ADAM23: variants seen among roughly 807,000 people sequenced by gnomAD.
ADAM23 encodes ADAM metallopeptidase domain 23, also known as disintegrin and metalloproteinase domain-containing protein 23.
In ADAM23, 33 loss-of-function variants were observed where a neutral mutation model predicts 120.1. That is an observed-to-expected ratio of 0.27 (90% CI 0.21 to 0.37). ADAM23 has a LOEUF of 0.37. ADAM23 is among the 10% of genes least tolerant of loss of function. The pLI, the probability that ADAM23 is intolerant of heterozygous loss-of-function variation, is 1.00. For synonymous variants in ADAM23, 367 were observed against 375.2 expected (o/e 0.98, Z 0.25); for missense variants, 862 against 1,058.2 (o/e 0.81, Z 2.57).
At chr2:206,550,512 A>G (rs1311775965) in intron 9 of ADAM23, among the ~76,000 whole-genome samples, 1 of 151,806 alleles carries the variant, frequency 6.6e-6, no homozygotes, top group East Asian at 1.9e-4. Flanking sequence ...CTTACTAGTT[A>G]ATTATGCTTA....
chr2:206,537,813 T>A (rs1013548304), intron 4 of ADAM23, among the ~76,000 whole-genome samples: 12 of 152,272 alleles, frequency 7.9e-5, no homozygotes, highest in Non-Finnish European at 1.0e-4. Context: ...GCCAGTTTTT[T>A]AAAAAGTTTC....
chr2:206,544,243 G>A (rs549684065), intron 6 of ADAM23, among the ~76,000 whole-genome samples: 21 of 152,228 alleles, frequency 1.4e-4, no homozygotes, highest in Admixed American at 9.2e-4. Context: ...GCTGAACTAT[G>A]ATTATATTAT....
At chr2:206,510,454 CT>C (rs1342670080) in intron 3 of ADAM23, among the ~76,000 whole-genome samples, 3 of 151,852 alleles carry the variant, frequency 2.0e-5, no homozygotes, top group Non-Finnish European at 4.4e-5. Context: ...TTATAATGTT[CT>C]TTTTACATTG....
chr2:206,559,533 A>C (rs1175674406), intron 10 of ADAM23, among the ~76,000 whole-genome samples: 1 of 152,058 alleles, frequency 6.6e-6, no homozygotes, highest in Non-Finnish European at 1.5e-5. Context: ...GCTTATCTGG[A>C]GATTTAGTGA....
At position 206,617,750 on chromosome 2, in the gene ADAM23, C is replaced by G. The variant is rs562168162; in HGVS notation, c.*123C>G. ...CCTTTGGGTGGTAATGACTACGGAG[C>G]TAAAGTTGGGGTGACAAGGATGGGG... On this transcript the variant is annotated 3_prime_UTR_variant, in exon 26 of 26. Transcript: ENST00000264377. The G allele has an allele frequency of 4.6e-6, 7 of 1,508,012 alleles. No individual in the cohort carries two copies. In the Admixed American group the frequency reaches 1.5e-4, roughly 32 times the overall value. 93.4% of individuals were successfully genotyped at this position (1,508,012 alleles called of 1,614,324 possible).
intron 3 of ADAM23, among the ~76,000 whole-genome samples, chr2:206,481,515 C>T (rs1405101579): frequency 6.6e-6 from 1 of 152,082 alleles, no homozygotes; most frequent in Non-Finnish European, 1.5e-5. Context: ...ATCTCAAACC[C>T]AGCACTTACA....
intron 2 of ADAM23, among the ~76,000 whole-genome samples, chr2:206,459,725 A>G (rs578246441): frequency 3.3e-5 from 5 of 152,312 alleles, no homozygotes; most frequent in East Asian, 3.9e-4. Flanking sequence ...TCTTGATTGT[A>G]CTATCATCTA....
intron 4 of ADAM23, among the ~76,000 whole-genome samples, chr2:206,531,949 A>G (rs1697073598): frequency 6.6e-6 from 1 of 152,158 alleles, no homozygotes; most frequent in South Asian, 2.1e-4. Flanking sequence ...ATGTCTCAGG[A>G]TTTATAACAT....
At chr2:206,477,897 A>AAAAAAAATATATAT (rs374524658) in intron 2 of ADAM23, among the ~76,000 whole-genome samples, 2 of 93,604 alleles carry the variant, frequency 2.1e-5, no homozygotes, top group African/African-American at 5.2e-5. Context: ...AAAAAAAAAA[A>AAAAAAAATATATAT]ATATATATAT....
intron 2 of ADAM23, among the ~76,000 whole-genome samples, chr2:206,464,490 A>G (rs1695498412): frequency 1.3e-5 from 2 of 151,910 alleles, no homozygotes; most frequent in Non-Finnish European, 2.9e-5. Flanking sequence ...CAGGATAATC[A>G]CTTGAACCCA....
intron 2 of ADAM23, among the ~76,000 whole-genome samples, chr2:206,479,422 C>T (rs761516872): frequency 3.3e-5 from 5 of 152,094 alleles, no homozygotes; most frequent in Non-Finnish European, 7.3e-5. Context: ...GAACTCATCT[C>T]TACTGTATAA....
intron 4 of ADAM23, among the ~76,000 whole-genome samples, chr2:206,541,395 A>G (rs1191282073): frequency 6.6e-6 from 1 of 152,172 alleles, no homozygotes; most frequent in African/African-American, 2.4e-5. Flanking sequence ...TCGAGATCCT[A>G]TATTAGGTAG....
chr2:206,453,523 A>T (rs1695238050), intron 2 of ADAM23, among the ~76,000 whole-genome samples: 2 of 152,212 alleles, frequency 1.3e-5, no homozygotes, highest in African/African-American at 4.8e-5. Context: ...CATTCATATA[A>T]TTCATTCATT....
intron 18 of ADAM23, among the ~76,000 whole-genome samples, chr2:206,575,033 A>G (rs1698084755): frequency 6.6e-6 from 1 of 152,172 alleles, no homozygotes; most frequent in Non-Finnish European, 1.5e-5. Context: ...GGTAAGTACA[A>G]AGCATAAAAT....
At chr2:206,557,610 G>GCTCA in intron 10 of ADAM23, 112 bp downstream of exon 10, 2 of 962,060 alleles carry the variant, frequency 2.1e-6, no homozygotes, top group South Asian at 1.4e-5. Flanking sequence ...CAATCCTGAA[G>GCTCA]CTCATCTGGC....
intron 3 of ADAM23, among the ~76,000 whole-genome samples, chr2:206,522,527 G>C (rs149607819): frequency 2.6e-5 from 4 of 152,292 alleles, no homozygotes; most frequent in Non-Finnish European, 5.9e-5. Context: ...GGCAAAAACT[G>C]GACTTGGAAG....
chr2:206,612,608 C>A (rs912383321), intron 25 of ADAM23, among the ~76,000 whole-genome samples: 3 of 152,134 alleles, frequency 2.0e-5, no homozygotes, highest in Non-Finnish European at 4.4e-5. Flanking sequence ...CCTAATGTCA[C>A]ATTTCTTTAG....
chr2:206,459,216 C>T (rs1291238141), intron 2 of ADAM23, among the ~76,000 whole-genome samples: 1 of 152,212 alleles, frequency 6.6e-6, no homozygotes, highest in Non-Finnish European at 1.5e-5. Flanking sequence ...AGTACTGTCA[C>T]TTGTTCCCTT....
In ADAM23 at chr2:206,460,697, A is replaced by G. The variant is rs113942892; in HGVS notation, c.432+15173A>G. On this transcript the variant is annotated intron_variant, in intron 2 of 25. Coordinates refer to ENST00000264377, the MANE Select transcript of ADAM23 (RefSeq NM_003812.4). ...CTCCCATTCTATGGGTTGGCTTTTCATTCTGTGGATAGAGTCCTTTGATGC... is the reference window on the plus strand; with the variant it reads ...CTCCCATTCTATGGGTTGGCTTTTCGTTCTGTGGATAGAGTCCTTTGATGC... 1.2e-3 allele frequency among the ~76,000 whole-genome samples: 182 copies of G among 152,200 alleles called. 1 individual carries two copies. Among genetic ancestry groups the G allele is most frequent in the Middle Eastern group, 3.4e-3 (1 of 294 alleles).
Sources: allele counts gnomAD v4.1 joint callset (sites outside exome capture counted in the v4.1 genomes callset), GRCh38; gene constraint gnomAD v4.1.1; transcripts MANE v1.5; gene names NCBI Gene and HGNC (gene_info 2026-07-23, HGNC 2026-07-21).